The following PCSK5 variants were observed in gnomAD, a reference collection of about 807,000 sequenced individuals.
PCSK5 encodes prohormone convertase 5.
PCSK5 carries 129 observed loss-of-function variants against 233.2 expected under a neutral mutation model. The observed-to-expected ratio is 0.55, with a 90% CI of 0.48 to 0.64. The LOEUF (loss-of-function observed/expected upper bound fraction) is 0.64, where lower values mean the gene tolerates loss of function less well. Ranked by LOEUF, PCSK5 falls within the 30% of genes least tolerant of loss-of-function variation. The pLI, the probability that PCSK5 is intolerant of heterozygous loss-of-function variation, is 0.00. For missense variants in PCSK5, 2,076 were observed against 2,430.1 expected (o/e 0.85, Z 3.06); for synonymous variants, 825 against 879.2 (o/e 0.94, Z 1.09).
chr9:76,121,811 T>C (rs932061679), intron 9 of PCSK5, among the ~76,000 whole-genome samples: 1 of 77,850 alleles, frequency 1.3e-5, no homozygotes, highest in African/African-American at 5.3e-5. Context: ...ATCTCTTGTA[T>C]TGGTTTTTTT....
chr9:76,083,040 C>T (rs1482624559), intron 7 of PCSK5, among the ~76,000 whole-genome samples: 2 of 151,824 alleles, frequency 1.3e-5, no homozygotes, highest in Non-Finnish European at 2.9e-5. Flanking sequence ...GAAACTCCAT[C>T]TCTACTAAAA....
chr9:76,011,190 C>A (rs1458749220), intron 3 of PCSK5, among the ~76,000 whole-genome samples: 1 of 152,166 alleles, frequency 6.6e-6, no homozygotes, highest in East Asian at 1.9e-4. Context: ...TCATTATACT[C>A]CAGGGTCTGG....
intron 2 of PCSK5, among the ~76,000 whole-genome samples, chr9:75,955,148 A>G (rs1825037371): frequency 6.6e-6 from 1 of 152,140 alleles, no homozygotes; most frequent in Non-Finnish European, 1.5e-5. Flanking sequence ...GATGCTTCCG[A>G]CAAACTTTGG....
intron 2 of PCSK5, among the ~76,000 whole-genome samples, chr9:75,977,256 C>G (rs1826063212): frequency 6.6e-6 from 1 of 152,004 alleles, no homozygotes; most frequent in Non-Finnish European, 1.5e-5. Context: ...GGTACTTGTG[C>G]AGGATGTGCA....
At chr9:76,137,796 A>G (rs948105244) in intron 10 of PCSK5, among the ~76,000 whole-genome samples, 4 of 152,148 alleles carry the variant, frequency 2.6e-5, no homozygotes, top group Non-Finnish European at 5.9e-5. Flanking sequence ...TCCAAATTCC[A>G]GTATTTTGCT....
intron 2 of PCSK5, among the ~76,000 whole-genome samples, chr9:75,945,283 G>C (rs1173151188): frequency 6.6e-6 from 1 of 151,910 alleles, no homozygotes; most frequent in Non-Finnish European, 1.5e-5. Context: ...CTTTCCCAGG[G>C]AATGGCACCA....
chr9:75,972,987 A>G (rs1563947341), intron 2 of PCSK5, among the ~76,000 whole-genome samples: 1 of 152,240 alleles, frequency 6.6e-6, no homozygotes. Context: ...ATCCATGGGC[A>G]TGGATTTATG....
chr9:75,965,274 T>C (rs1420322502), intron 2 of PCSK5, among the ~76,000 whole-genome samples: 2 of 105,674 alleles, frequency 1.9e-5, no homozygotes, highest in Non-Finnish European at 4.3e-5. Flanking sequence ...TGTGTGTGTG[T>C]GTGTGTGTGT....
At chr9:75,981,723 T>C (rs1826285808) in intron 2 of PCSK5, among the ~76,000 whole-genome samples, 1 of 151,970 alleles carries the variant, frequency 6.6e-6, no homozygotes, top group South Asian at 2.1e-4. Flanking sequence ...TGGCTACTTT[T>C]TTAAACATTC....
intron 2 of PCSK5, among the ~76,000 whole-genome samples, chr9:75,936,161 G>A (rs1273094335): frequency 2.0e-5 from 3 of 152,128 alleles, no homozygotes; most frequent in South Asian, 4.1e-4. Flanking sequence ...GATCATCTGA[G>A]CCTTCAGTGA....
intron 36 of PCSK5, among the ~76,000 whole-genome samples, chr9:76,353,286 C>T (rs533694433): frequency 6.6e-6 from 1 of 152,296 alleles, no homozygotes; most frequent in African/African-American, 2.4e-5. Context: ...AGCAACTTGT[C>T]GGGAGGGAAG....
intron 9 of PCSK5, among the ~76,000 whole-genome samples, chr9:76,121,812 TG>T (rs1446830871): frequency 2.6e-5 from 2 of 77,784 alleles, no homozygotes; most frequent in African/African-American, 5.3e-5. Flanking sequence ...TCTCTTGTAT[TG>T]GTTTTTTTTT....
chr9:76,173,300 G>A (rs764165383), intron 13 of PCSK5, among the ~76,000 whole-genome samples: 15 of 152,178 alleles, frequency 9.9e-5, no homozygotes, highest in Non-Finnish European at 1.6e-4. Context: ...GCTGAAATCC[G>A]TCACTTTCTG....
At chr9:76,317,964 G>A (rs1011296182) in intron 30 of PCSK5, among the ~76,000 whole-genome samples, 1 of 152,136 alleles carries the variant, frequency 6.6e-6, no homozygotes, top group African/African-American at 2.4e-5. Flanking sequence ...TGAGTTTTGG[G>A]TTGGGATGGT....
intron 12 of PCSK5, among the ~76,000 whole-genome samples, chr9:76,161,417 G>A (rs146755577): frequency 4.0e-5 from 6 of 150,876 alleles, no homozygotes; most frequent in African/African-American, 7.3e-5. Context: ...TGTGGTTACC[G>A]AAGCTAGGGA....
At chr9:75,910,676 G>A (rs916040774) in intron 1 of PCSK5, among the ~76,000 whole-genome samples, 7 of 150,330 alleles carry the variant, frequency 4.7e-5, no homozygotes, top group African/African-American at 1.2e-4. Flanking sequence ...TGTTAATTTT[G>A]TACTTCAAAA....
intron 34 of PCSK5, among the ~76,000 whole-genome samples, chr9:76,337,775 G>T (rs1335684462): frequency 6.6e-6 from 1 of 151,922 alleles, no homozygotes; most frequent in Non-Finnish European, 1.5e-5. Context: ...CACCCAGCCT[G>T]GATGGATCTT....
intron 37 of PCSK5, among the ~76,000 whole-genome samples, chr9:76,356,316 G>A (rs10869765): frequency 0.63 from 95,580 of 151,990 alleles, 31,183 homozygotes; most frequent in East Asian, 0.98. Context: ...AGCAATCTGC[G>A]AAAGTATAAA....
chr9:76,302,116 C>G (rs1564167648), intron 27 of PCSK5, 21 bp from the exon 28 acceptor site: 2 of 986,300 alleles, frequency 2.0e-6, no homozygotes, highest in Non-Finnish European at 2.7e-6. Context: ...AAACTAAACA[C>G]TTTTTTTTTT....
Sources: gnomAD v4.1 joint callset for allele counts (sites outside exome capture counted in the v4.1 genomes callset) on GRCh38, gnomAD v4.1.1 for gene constraint, MANE v1.5 for transcripts, NCBI Gene and HGNC (gene_info 2026-07-23, HGNC 2026-07-21) for gene names.